RTN4: variants seen among roughly 807,000 people sequenced by gnomAD.
RTN4 encodes reticulon 4, also known as reticulon-4.
A neutral mutation model predicts 90.4 loss-of-function variants in RTN4; 32 were observed. The observed-to-expected ratio is 0.35, with a 90% CI of 0.27 to 0.48. RTN4 has a LOEUF of 0.48. Ranked by LOEUF, RTN4 falls within the 20% of genes least tolerant of loss-of-function variation. The pLI is 0.99. For synonymous variants in RTN4, 629 were observed against 552.5 expected (o/e 1.14, Z -1.94); for missense variants, 1,706 against 1,430.2 (o/e 1.19, Z -3.11).
chr2:55,107,111 T>C (rs1036959580), intron 1 of RTN4, among the ~76,000 whole-genome samples: 2 of 151,938 alleles, frequency 1.3e-5, no homozygotes, highest in Non-Finnish European at 1.5e-5. Flanking sequence ...GATACATTTG[T>C]CTTAAGATAT....
intron 3 of RTN4, among the ~76,000 whole-genome samples, chr2:55,021,745 C>T (rs1300116854): frequency 6.6e-6 from 1 of 152,170 alleles, no homozygotes; most frequent in African/African-American, 2.4e-5. Context: ...TCTAGAGAAA[C>T]AAAGTGATTG....
intron 6 of RTN4, among the ~76,000 whole-genome samples, chr2:54,974,444 T>C (rs185405110): frequency 1.4e-4 from 21 of 152,290 alleles, no homozygotes; most frequent in African/African-American, 4.6e-4. Flanking sequence ...CACGCCCAGC[T>C]AATTTTTTCT....
intron 2 of RTN4, among the ~76,000 whole-genome samples, chr2:55,057,137 T>G (rs1285662822): frequency 6.6e-6 from 1 of 152,264 alleles, no homozygotes; most frequent in Non-Finnish European, 1.5e-5. Context: ...ACATTTACAT[T>G]GCTCTCCTAT....
intron 3 of RTN4, among the ~76,000 whole-genome samples, chr2:55,008,272 G>A (rs1443043752): frequency 6.6e-6 from 1 of 151,488 alleles, no homozygotes; most frequent in Non-Finnish European, 1.5e-5. Flanking sequence ...AAATGCCTAA[G>A]TATATTTTTT....
intron 1 of RTN4, among the ~76,000 whole-genome samples, chr2:55,029,209 T>C (rs1381631135): frequency 6.6e-6 from 1 of 152,120 alleles, no homozygotes; most frequent in Non-Finnish European, 1.5e-5. Context: ...AGAAGAGGCC[T>C]CAAAAAGAAA....
the RTN4 span, among the ~76,000 whole-genome samples, chr2:55,133,940 C>T: frequency 6.6e-6 from 1 of 152,074 alleles, no homozygotes; most frequent in Non-Finnish European, 1.5e-5. Flanking sequence ...GCAAAGCAAC[C>T]CCAAAGGCTG....
At chr2:55,023,633 C>T (rs1242795701) in intron 3 of RTN4, among the ~76,000 whole-genome samples, 3 of 151,862 alleles carry the variant, frequency 2.0e-5, no homozygotes, top group Non-Finnish European at 4.4e-5. Flanking sequence ...CCCCTTCCCA[C>T]CTTAAAAAAA....
intron 4 of RTN4, among the ~76,000 whole-genome samples, chr2:54,985,153 CTTTTTT>C (rs71769973): frequency 7.8e-4 from 45 of 57,892 alleles, no homozygotes; most frequent in East Asian, 7.2e-3. Context: ...ATGACTCGGC[CTTTTTT>C]TTTTTTTTTT....
chr2:55,060,525 G>A (rs895690790), intron 2 of RTN4: 4 of 152,212 alleles, frequency 2.6e-5, no homozygotes, highest in African/African-American at 9.7e-5. Context: ...TATGCAAGGA[G>A]TGCTACTATA....
At chr2:55,100,810 G>A (rs927758553) in intron 1 of RTN4, among the ~76,000 whole-genome samples, 1 of 151,772 alleles carries the variant, frequency 6.6e-6, no homozygotes. Flanking sequence ...GTTCATTTGT[G>A]CTTAAACAAA....
intron 5 of RTN4, among the ~76,000 whole-genome samples, chr2:54,977,195 C>T (rs1573266782): frequency 6.6e-6 from 1 of 152,242 alleles, no homozygotes; most frequent in South Asian, 2.1e-4. Flanking sequence ...AAACTCTAAA[C>T]TCTACTTGCC....
In RTN4 at chr2:55,049,831, G is replaced by C. The variant is rs1209645302; in HGVS notation, c.470C>G (p.Pro157Arg). ...AGCCGGGGCTGGCGGGGTCCACACGGGCTCTGCCTGGGGGCTCACGCTGGC... is the reference window on the plus strand; with the variant it reads ...AGCCGGGGCTGGCGGGGTCCACACGCGCTCTGCCTGGGGGCTCACGCTGGC... ...PPASVSPQAE[P>R]VWTPPAPAPA... Residue 157 changes from proline (P) to arginine (R), a missense_variant, in exon 1 of 9, where the codon CCC becomes CGC. Coordinates refer to ENST00000337526, the MANE Select transcript of RTN4 (RefSeq NM_020532.5). The C allele has an allele frequency of 7.6e-7, 1 of 1,311,452 alleles. No homozygotes were observed. Among genetic ancestry groups the C allele is most frequent in the Non-Finnish European group, 9.7e-7 (1 of 1,033,124 alleles). The allele number at this position is 1,311,452 out of a possible 1,614,324, so 81.2% of individuals were successfully genotyped here.
intron 1 of RTN4, among the ~76,000 whole-genome samples, chr2:55,092,988 CT>C (rs1668967656): frequency 6.6e-6 from 1 of 152,190 alleles, no homozygotes; most frequent in Non-Finnish European, 1.5e-5. Flanking sequence ...TTCAGTGTTG[CT>C]TACTGAGTTC....
At chr2:55,030,148 G>A (rs1013641150) in intron 1 of RTN4, among the ~76,000 whole-genome samples, 2 of 152,076 alleles carry the variant, frequency 1.3e-5, no homozygotes, top group African/African-American at 2.4e-5. Flanking sequence ...TACTGTTAAA[G>A]TTAGTGGGAA....
Position 55,105,569 on chromosome 2 carries a change from T to C in RTN4, c.-214+6951A>G, listed in dbSNP as rs532671594. On this transcript the variant is annotated intron_variant, in intron 1 of 3. Coordinates refer to the RTN4 transcript ENST00000427710. ...ATTTATTTTACGCAAGCTCTGTATA[T>C]TGTTACTGACCCTTTATCTATTATT... is the stretch of plus-strand genomic sequence containing the variant. Among the ~76,000 whole-genome samples, 13 of 152,224 alleles carry C rather than the reference T, an allele frequency of 8.5e-5. No individual in the cohort carries two copies. The South Asian group carries it at 2.7e-3, about 32-fold the overall frequency.
At chr2:55,104,127 T>C (rs1667901146) in intron 1 of RTN4, among the ~76,000 whole-genome samples, 2 of 152,116 alleles carry the variant, frequency 1.3e-5, no homozygotes, top group Admixed American at 1.3e-4. Flanking sequence ...CTGGGCTCAC[T>C]GCAACCTCCA....
At chr2:55,079,542 G>C (rs1379597976) in intron 2 of RTN4, among the ~76,000 whole-genome samples, 1 of 152,186 alleles carries the variant, frequency 6.6e-6, no homozygotes, top group Non-Finnish European at 1.5e-5. Flanking sequence ...TACTGGTGCT[G>C]TTCCCAAATC....
upstream of RTN4, among the ~76,000 whole-genome samples, chr2:55,114,100 G>A (rs571036319): frequency 1.1e-4 from 16 of 152,206 alleles, no homozygotes; most frequent in Admixed American, 2.6e-4. Context: ...ACAATTTATC[G>A]GAAAATATAG....
At chr2:55,115,349 C>T (rs1370874122), upstream of RTN4, among the ~76,000 whole-genome samples, 1 of 152,208 alleles carries the variant, frequency 6.6e-6, no homozygotes, top group Non-Finnish European at 1.5e-5. Flanking sequence ...TCAAAGCCAG[C>T]AATAGCTGGT....
Sources: allele counts gnomAD v4.1 joint callset (sites outside exome capture counted in the v4.1 genomes callset), GRCh38; gene constraint gnomAD v4.1.1; transcripts MANE v1.5; gene names NCBI Gene and HGNC (gene_info 2026-07-23, HGNC 2026-07-21).